The following SLC8B1 variants were observed in gnomAD, a reference collection of about 807,000 sequenced individuals.
SLC8B1 encodes solute carrier family 8 member B1, also known as mitochondrial sodium/calcium exchanger protein.
SLC8B1 carries 52 observed loss-of-function variants against 63.4 expected under a neutral mutation model. The observed-to-expected ratio is 0.82, with a 90% confidence interval of 0.66 to 1.03. The LOEUF (loss-of-function observed/expected upper bound fraction) is 1.03. SLC8B1 is among the 50% of genes least tolerant of loss of function. SLC8B1 has a pLI of 0.00. For synonymous variants in SLC8B1, 336 were observed against 323.9 expected (o/e 1.04, Z -0.40); for missense variants, 657 against 741.7 (o/e 0.89, Z 1.33).
chr12:113,300,415 G>A (rs1488636017), intron 15 of SLC8B1, among the ~76,000 whole-genome samples: 3 of 152,330 alleles, frequency 2.0e-5, no homozygotes, highest in East Asian at 1.9e-4. Context: ...CTCAGGAGGC[G>A]GAGGTTGCAG....
intron 2 of SLC8B1, among the ~76,000 whole-genome samples, chr12:113,329,307 CTGAAAGT>C (rs1352985633): frequency 6.6e-6 from 1 of 152,164 alleles, no homozygotes; most frequent in Non-Finnish European, 1.5e-5. Context: ...TCAGCTCCGC[CTGAAAGT>C]TACTCGCTGA....
At chr12:113,306,870 G>C (rs1956682386) in intron 13 of SLC8B1, 1 of 457,742 alleles carries the variant, frequency 2.2e-6, no homozygotes, top group African/African-American at 1.9e-5. Flanking sequence ...CAGCACTTTG[G>C]GAGGCCAAGA....
At chr12:113,309,256 C>T (rs1202235119) in intron 12 of SLC8B1, among the ~76,000 whole-genome samples, 1 of 151,268 alleles carries the variant, frequency 6.6e-6, no homozygotes, top group African/African-American at 2.4e-5. Context: ...GCAACCTCTG[C>T]CTCCTGGGTT....
At chr12:113,321,752 C>T (rs1956934346) in intron 2 of SLC8B1, among the ~76,000 whole-genome samples, 1 of 150,610 alleles carries the variant, frequency 6.6e-6, no homozygotes. Context: ...CATCCCAAAT[C>T]TCTTGTTTCT....
intron 11 of SLC8B1, among the ~76,000 whole-genome samples, chr12:113,314,932 G>A (rs1308776496): frequency 6.6e-6 from 1 of 152,204 alleles, no homozygotes; most frequent in Non-Finnish European, 1.5e-5. Context: ...CGCATAGTAA[G>A]CGCCTGCTGT....
chr12:113,333,776 T>C (rs1957090558), intron 1 of SLC8B1, among the ~76,000 whole-genome samples: 1 of 152,178 alleles, frequency 6.6e-6, no homozygotes, highest in Non-Finnish European at 1.5e-5. Context: ...TGGCGCGATC[T>C]CAGCTCACTG....
chr12:113,306,492 T>C lies in SLC8B1; in HGVS notation c.1492+3A>G. ...AAGGCCAAGAACAGACCACAAAGGA[T>C]ACTGAAGATGATGCCGCCAAAGCAG... is the stretch of plus-strand genomic sequence containing the variant. On this transcript the variant is annotated splice_donor_region_variant and intron_variant, in intron 14 of 15. Transcript: ENST00000680972. The C allele has an allele frequency of 1.2e-6, 2 of 1,610,458 alleles. No homozygotes were observed. The highest frequency in any genetic ancestry group is 1.7e-6 in the Non-Finnish European group (2 of 1,178,222).
intron 8 of SLC8B1, 87 bp from the exon 9 acceptor site, chr12:113,317,088 G>A (rs912230069): frequency 1.2e-5 from 14 of 1,120,048 alleles, no homozygotes; most frequent in Admixed American, 9.9e-5. Context: ...GGGTGCAAGT[G>A]TTCAGGCCAT....
At chr12:113,306,066 C>CAAAAAAAAAA (rs60824560) in intron 14 of SLC8B1, among the ~76,000 whole-genome samples, 9 of 18,088 alleles carry the variant, frequency 5.0e-4, no homozygotes, top group Admixed American at 1.8e-3. Context: ...CCCCACCCTG[C>CAAAAAAAAAA]AAAAAAAAAA....
chr12:113,328,056 A>G (rs1007318761), intron 2 of SLC8B1, among the ~76,000 whole-genome samples: 1 of 151,638 alleles, frequency 6.6e-6, no homozygotes, highest in African/African-American at 2.4e-5. Context: ...ATTTAGAGAC[A>G]GGTTCTGTCT....
intron 11 of SLC8B1, among the ~76,000 whole-genome samples, chr12:113,313,390 A>G (rs941518693): frequency 3.3e-5 from 5 of 151,764 alleles, no homozygotes; most frequent in African/African-American, 4.8e-5. Context: ...CAGCTACTCA[A>G]TGGAGCCCAG....
intron 2 of SLC8B1, among the ~76,000 whole-genome samples, chr12:113,329,164 C>T (rs57296942): frequency 0.11 from 17,338 of 152,218 alleles, 1,084 homozygotes; most frequent in African/African-American, 0.17. Flanking sequence ...TCATCTCACC[C>T]ATTCAGTCTT....
In SLC8B1 at chr12:113,310,474, A is replaced by G; in HGVS notation, c.1136-119T>C. ...TGCCCAGCCCTGTCCTAGACACTTC[A>G]TGGGGGCAGAAAAATTTAAAATGCA... On this transcript the variant is annotated intron_variant, in intron 11 of 15. Coordinates refer to ENST00000680972, the MANE Select transcript of SLC8B1 (RefSeq NM_001358345.2). The G allele has an allele frequency of 2.3e-6, 3 of 1,317,528 alleles. No individual in the cohort carries two copies. The South Asian group carries it at 5.9e-5, about 26-fold the overall frequency. The allele number at this position is 1,317,528 out of a possible 1,614,324, so 81.6% of individuals were successfully genotyped here. A position where few individuals can be genotyped will look rare whatever the true frequency, so the allele number is the denominator to read the frequency against.
At chr12:113,307,574 G>C (rs1956692806) in intron 13 of SLC8B1, 117 bp downstream of exon 13, 1 of 1,262,454 alleles carries the variant, frequency 7.9e-7, no homozygotes. Context: ...ACACTGCACA[G>C]GTGCAGAGGG....
chr12:113,332,197 G>A (rs1204302494), intron 2 of SLC8B1, among the ~76,000 whole-genome samples: 3 of 152,262 alleles, frequency 2.0e-5, no homozygotes, highest in South Asian at 4.1e-4. Context: ...AAAAGCTCAC[G>A]CCCTCCCCCA....
intron 15 of SLC8B1, among the ~76,000 whole-genome samples, chr12:113,303,910 T>C (rs1276389446): frequency 2.6e-5 from 4 of 152,142 alleles, no homozygotes; most frequent in Non-Finnish European, 5.9e-5. Flanking sequence ...AGATGAAGTC[T>C]CACTCTGTCG....
At chr12:113,316,793 C>A (rs1956842083) in intron 9 of SLC8B1, 137 bp from the exon 10 acceptor site, 11 of 1,500,726 alleles carry the variant, frequency 7.3e-6, no homozygotes, top group Non-Finnish European at 1.0e-5. Flanking sequence ...GGCAGACAAC[C>A]CTGGCCCTTG....
At position 113,316,554 on chromosome 12, in the gene SLC8B1, G is replaced by T; in HGVS notation, c.965C>A (p.Ala322Glu). 6.2e-7 allele frequency: 1 copy of T among 1,614,228 alleles called. No individual in the cohort carries two copies. The highest frequency in any genetic ancestry group is 8.5e-7 in the Non-Finnish European group (1 of 1,180,034). Residue 322 changes from alanine to glutamate, a missense_variant, in exon 10 of 16, where the codon GCA becomes GAA. Coordinates refer to ENST00000680972, the MANE Select transcript of SLC8B1 (RefSeq NM_001358345.2). Reference protein sequence around the residue: ...LDYMKWRRKSAYWKALKVFKL... With the variant: ...LDYMKWRRKSEYWKALKVFKL... The stretch of plus-strand genomic sequence containing the variant: ...GAACACCTTGAGGGCTTTCCAGTAT[G>T]CTGATTTCCTTCTCCACTTCATGTA...
At chr12:113,328,276 G>A (rs1222623917) in intron 2 of SLC8B1, among the ~76,000 whole-genome samples, 3 of 152,136 alleles carry the variant, frequency 2.0e-5, no homozygotes, top group East Asian at 1.9e-4. Flanking sequence ...TGATCCTCCC[G>A]CCTCGGCCTT....
Sources: allele counts gnomAD v4.1 joint callset (sites outside exome capture counted in the v4.1 genomes callset), GRCh38; gene constraint gnomAD v4.1.1; transcripts MANE v1.5; gene names NCBI Gene and HGNC (gene_info 2026-07-23, HGNC 2026-07-21).